The following USP13 variants were observed in gnomAD, a reference collection of about 807,000 sequenced individuals.
USP13 encodes ubiquitin carboxyl-terminal hydrolase 13.
In USP13, 68 loss-of-function variants were observed where a neutral mutation model predicts 107.8. The ratio of observed to expected loss-of-function variants is 0.63; its 90% CI spans 0.52 to 0.77. The LOEUF is 0.77. USP13 is among the 30% of genes least tolerant of loss of function. The pLI is 0.00. For synonymous variants in USP13, 377 were observed against 389.5 expected, an observed-to-expected ratio of 0.97 and a Z score of 0.38; for missense variants, 945 against 1,093.3, an observed-to-expected ratio of 0.86 and a Z score of 1.91.
chr3:179,724,455 C>T (rs1462468632), intron 8 of USP13, among the ~76,000 whole-genome samples: 1 of 110,016 alleles, frequency 9.1e-6, no homozygotes, highest in African/African-American at 4.3e-5. Context: ...GAGACTCTGT[C>T]TCAAGAAAAA....
chr3:179,692,635 C>T (rs1024909186), intron 3 of USP13, among the ~76,000 whole-genome samples: 4 of 152,210 alleles, frequency 2.6e-5, no homozygotes, highest in Non-Finnish European at 5.9e-5. Flanking sequence ...AATTAAGTAA[C>T]GTCAGCAGGT....
At chr3:179,720,299 T>C (rs547607222) in intron 7 of USP13, among the ~76,000 whole-genome samples, 67 of 152,334 alleles carry the variant, frequency 4.4e-4, no homozygotes, top group African/African-American at 1.6e-3. Flanking sequence ...CTTGCAAAAT[T>C]AGTCTCCTTT....
chr3:179,711,576 C>T (rs1002019563), intron 6 of USP13, among the ~76,000 whole-genome samples: 4 of 151,966 alleles, frequency 2.6e-5, no homozygotes, highest in Non-Finnish European at 4.4e-5. Context: ...GCTTTTTAAA[C>T]GTTTTTATTA....
intron 14 of USP13, among the ~76,000 whole-genome samples, chr3:179,753,294 C>A (rs1199330468): frequency 6.6e-6 from 1 of 152,156 alleles, no homozygotes; most frequent in African/African-American, 2.4e-5. Context: ...TTGTTTGCCA[C>A]GTGAAATTGT....
chr3:179,728,154 G>A (rs1713624334), intron 8 of USP13, among the ~76,000 whole-genome samples: 1 of 136,558 alleles, frequency 7.3e-6, no homozygotes, highest in African/African-American at 2.6e-5. Context: ...CGGCCGGGCA[G>A]AGGCGCCCCT....
chr3:179,780,726 C>T (rs181866528), intron 19 of USP13, among the ~76,000 whole-genome samples: 5 of 152,244 alleles, frequency 3.3e-5, no homozygotes, highest in Admixed American at 2.6e-4. Context: ...TAGGGATTGA[C>T]AGCTGAGTAA....
At chr3:179,740,469 C>T (rs774761170) in intron 11 of USP13, 97 bp downstream of exon 11, 80 of 1,537,370 alleles carry the variant, frequency 5.2e-5, no homozygotes, top group Non-Finnish European at 6.9e-5. Context: ...TGCCTCCCCA[C>T]TCTCTTTCTT....
intron 1 of USP13, among the ~76,000 whole-genome samples, chr3:179,669,181 C>T (rs917348300): frequency 6.6e-6 from 1 of 152,230 alleles, no homozygotes; most frequent in Non-Finnish European, 1.5e-5. Context: ...TATATCCTGG[C>T]TGGGCGCGGT....
chr3:179,663,638 G>T (rs1220950096), intron 1 of USP13, among the ~76,000 whole-genome samples: 1 of 152,116 alleles, frequency 6.6e-6, no homozygotes, highest in Non-Finnish European at 1.5e-5. Context: ...TTAAAATAGG[G>T]GTCTGATCAT....
chr3:179,685,077 T>G (rs1711821758), intron 2 of USP13, among the ~76,000 whole-genome samples: 1 of 152,160 alleles, frequency 6.6e-6, no homozygotes, highest in Non-Finnish European at 1.5e-5. Context: ...TATTAAGTAT[T>G]TAACATATCG....
chr3:179,713,198 A>G (rs548715635), intron 6 of USP13, among the ~76,000 whole-genome samples: 3 of 152,360 alleles, frequency 2.0e-5, no homozygotes, highest in Non-Finnish European at 4.4e-5. Flanking sequence ...AGCAATGCAG[A>G]TCGTATACAC....
rs569472309 is a variant in USP13, at chr3:179,779,410, T to C, written c.2414-2329T>C. Among the ~76,000 whole-genome samples, 9 of 151,874 alleles carry C rather than the reference T, an allele frequency of 5.9e-5. 1 individual carries two copies. The South Asian group carries it at 1.9e-3, about 32-fold the overall frequency. On this transcript the variant is annotated intron_variant, in intron 19 of 20. Coordinates refer to ENST00000263966, the MANE Select transcript of USP13 (RefSeq NM_003940.3). The stretch of plus-strand genomic sequence containing the variant: ...TTAGCCAGGCATGGTGGCACGCGCC[T>C]GTAACACCACTTGGGAGGCTGAGGT...
intron 10 of USP13, among the ~76,000 whole-genome samples, chr3:179,736,097 A>G (rs1335587530): frequency 1.3e-5 from 2 of 152,210 alleles, no homozygotes; most frequent in African/African-American, 2.4e-5. Context: ...ACCATCCCTT[A>G]GTATCACGAA....
chr3:179,769,621 C>T (rs1050839434), intron 19 of USP13, among the ~76,000 whole-genome samples: 1 of 152,142 alleles, frequency 6.6e-6, no homozygotes, highest in Non-Finnish European at 1.5e-5. Flanking sequence ...GTTGCCCAGG[C>T]TGGTCTCCAA....
chr3:179,724,738 GATTACAAA>G (rs1357554670), intron 8 of USP13, among the ~76,000 whole-genome samples: 3 of 152,200 alleles, frequency 2.0e-5, no homozygotes, highest in Non-Finnish European at 1.5e-5. Context: ...AGAATTGCTA[GATTACAAA>G]CAGGAGGTAT....
At chr3:179,733,348 A>T (rs1459697497) in intron 10 of USP13, among the ~76,000 whole-genome samples, 2 of 152,286 alleles carry the variant, frequency 1.3e-5, no homozygotes, top group Non-Finnish European at 2.9e-5. Context: ...ACTCAAATAG[A>T]GCTCACATTG....
intron 8 of USP13, among the ~76,000 whole-genome samples, chr3:179,724,805 T>C (rs1225933456): frequency 6.6e-6 from 1 of 152,252 alleles, no homozygotes; most frequent in African/African-American, 2.4e-5. Flanking sequence ...TAATTTAATT[T>C]TGTTACAATG....
At chr3:179,713,135 C>A (rs1183715221) in intron 6 of USP13, among the ~76,000 whole-genome samples, 1 of 152,098 alleles carries the variant, frequency 6.6e-6, no homozygotes, top group Non-Finnish European at 1.5e-5. Flanking sequence ...ATATAATTGA[C>A]AGTATTTGAA....
chr3:179,760,993 C>A, intron 16 of USP13, 119 bp from the exon 17 acceptor site: 1 of 1,255,434 alleles, frequency 8.0e-7, no homozygotes. Flanking sequence ...AAACCATTAT[C>A]TACACCCAAC....
Sources: gnomAD v4.1 joint callset for allele counts (sites outside exome capture counted in the v4.1 genomes callset) on GRCh38, gnomAD v4.1.1 for gene constraint, MANE v1.5 for transcripts, NCBI Gene and HGNC (gene_info 2026-07-23, HGNC 2026-07-21) for gene names.